FAM149B1: variants seen among roughly 807,000 people sequenced by gnomAD.
FAM149B1 encodes primary cilium assembly protein FAM149B1.
FAM149B1 carries 56 observed loss-of-function variants against 75.3 expected under a neutral mutation model. The observed-to-expected ratio is 0.74, with a 90% CI of 0.60 to 0.93. The LOEUF is 0.93. Ranked by LOEUF, FAM149B1 falls within the 40% of genes least tolerant of loss-of-function variation. FAM149B1 has a pLI of 0.00. For missense variants in FAM149B1, 639 were observed against 708.4 expected (o/e 0.90, Z 1.11); for synonymous variants, 259 against 256.1 (o/e 1.01, Z -0.11).
At chr10:73,226,166 T>C (rs771928379) in intron 7 of FAM149B1, among the ~76,000 whole-genome samples, 7 of 151,622 alleles carry the variant, frequency 4.6e-5, no homozygotes, top group Non-Finnish European at 1.0e-4. Flanking sequence ...CCAACCCTGC[T>C]CTACAATGTG....
Position 73,192,558 on chromosome 10 carries a change from A to G in FAM149B1, c.285A>G (p.Glu95=). ...TTGGGGGGAATATTTTCTTCTAGGA[A>G]CTCGATCAAAATGCCACTGAAAAAG... is the stretch of plus-strand genomic sequence containing the variant. ...GSSDFSWGYG[E]LDQNATEKVQ... The change falls in exon 4 of 14, where the codon GAA becomes GAG. Residue 95 remains glutamate (E), a splice_region_variant and synonymous_variant. Coordinates refer to ENST00000242505, the MANE Select transcript of FAM149B1 (RefSeq NM_173348.2). 6.5e-7 allele frequency: 1 copy of G among 1,549,944 alleles called. No individual in the cohort carries two copies. Among genetic ancestry groups the G allele is most frequent in the Non-Finnish European group, 8.7e-7 (1 of 1,146,504 alleles).
chr10:73,210,567 T>TA lies in FAM149B1; in HGVS notation c.898+131dup, dbSNP rs1168074605. On this transcript the variant is annotated intron_variant, in intron 7 of 13. Transcript: ENST00000242505. The stretch of plus-strand genomic sequence containing the variant: ...GGCCAGGCACAGTGGCTTATGCCTA[T>TA]AATCCAAACACTTTGGGAGGCCAAG... The TA allele has an allele frequency of 1.9e-5, 11 of 593,390 alleles. No individual in the cohort carries two copies. In the African/African-American group the frequency reaches 2.1e-4, roughly 11 times the overall value. The allele number at this position is 593,390 out of a possible 1,614,324, so 36.8% of individuals were successfully genotyped here.
At chr10:73,240,390 T>C (rs2043914071) in intron 13 of FAM149B1, among the ~76,000 whole-genome samples, 1 of 152,206 alleles carries the variant, frequency 6.6e-6, no homozygotes, top group Non-Finnish European at 1.5e-5. Context: ...AGATCTGCAT[T>C]TGAGCTACAA....
chr10:73,176,664 T>A (rs2133302019), intron 2 of FAM149B1, among the ~76,000 whole-genome samples: 1 of 152,186 alleles, frequency 6.6e-6, no homozygotes, highest in Middle Eastern at 3.4e-3. Context: ...GACAGGTGGA[T>A]CACTTGAGCT....
intron 7 of FAM149B1, among the ~76,000 whole-genome samples, chr10:73,227,539 G>A (rs886741700): frequency 3.4e-4 from 51 of 152,062 alleles, no homozygotes; most frequent in African/African-American, 1.1e-3. Flanking sequence ...TTGTTTCTTC[G>A]TGGATGTGAT....
At position 73,239,357 on chromosome 10, in the gene FAM149B1, C is replaced by A. The variant is rs922809743; in HGVS notation, c.1648C>A (p.Gln550Lys). 4.5e-6 allele frequency: 7 copies of A among 1,551,564 alleles called. No individual in the cohort carries two copies. The highest frequency in any genetic ancestry group is 5.2e-6 in the Non-Finnish European group (6 of 1,146,978). ...RRSCAVEYPH[Q>K]ARPGRGSAGP... ...CTCATGTGCAGTTGAGTATCCTCAT[C>A]AGGCCCGACCTGGCAGGGGATCTGC... The change falls in exon 13 of 14, where the codon CAG becomes AAG. Residue 550 changes from glutamine to lysine, a missense_variant. Physicochemically the swap from Gln to Lys is moderately conservative, Grantham distance 53. Coordinates refer to ENST00000242505, the MANE Select transcript of FAM149B1 (RefSeq NM_173348.2).
At chr10:73,201,112 A>G (rs1194216989) in intron 5 of FAM149B1, 18 of 278,832 alleles carry the variant, frequency 6.5e-5, no homozygotes, top group Non-Finnish European at 8.0e-5. Flanking sequence ...TTTGGTAGAA[A>G]AGGTGTGGCT....
chr10:73,207,532 C>G (rs1234398224), intron 5 of FAM149B1, among the ~76,000 whole-genome samples: 4 of 151,852 alleles, frequency 2.6e-5, no homozygotes, highest in Non-Finnish European at 5.9e-5. Context: ...CCACTACACT[C>G]CAGCCTGGGC....
rs947901673 is a variant in FAM149B1, at chr10:73,180,909, C to G, written c.282+2934C>G. Among the ~76,000 whole-genome samples, 4 of 152,194 alleles carry G rather than the reference C, an allele frequency of 2.6e-5. No homozygotes were observed. The East Asian group carries it at 5.8e-4, about 22-fold the overall frequency. On this transcript the variant is annotated intron_variant, in intron 3 of 13. Transcript: ENST00000242505. Reference sequence around the variant, plus strand: ...CCCCATCTCCCCAATCCTCACCCCCCCACTACCCTTCCCAGCCTCTAGTAA... The same window carrying G: ...CCCCATCTCCCCAATCCTCACCCCCGCACTACCCTTCCCAGCCTCTAGTAA...
At chr10:73,177,183 G>A (rs750427674) in intron 2 of FAM149B1, among the ~76,000 whole-genome samples, 11 of 151,846 alleles carry the variant, frequency 7.2e-5, no homozygotes, top group Non-Finnish European at 1.0e-4. Context: ...CAGCCTGGGT[G>A]ACAGAGCGAG....
In FAM149B1 at chr10:73,177,838, G is replaced by T; in HGVS notation, c.153-8G>T. On this transcript the variant is annotated splice_region_variant and splice_polypyrimidine_tract_variant and intron_variant, in intron 2 of 13. Coordinates refer to ENST00000242505, the MANE Select transcript of FAM149B1 (RefSeq NM_173348.2). Reference sequence around the variant, plus strand: ...TTTTTCTCTCCTCCTCCCAAATTGTGCCTTTAGCAAGTCTGACATCACAAG... The same window carrying T: ...TTTTTCTCTCCTCCTCCCAAATTGTTCCTTTAGCAAGTCTGACATCACAAG... The T allele has an allele frequency of 6.5e-7, 1 of 1,541,102 alleles. No homozygotes were observed. Among genetic ancestry groups the T allele is most frequent in the Non-Finnish European group, 8.7e-7 (1 of 1,145,962 alleles).
At chr10:73,186,728 G>C (rs959065994) in intron 3 of FAM149B1, among the ~76,000 whole-genome samples, 1 of 152,212 alleles carries the variant, frequency 6.6e-6, no homozygotes, top group Non-Finnish European at 1.5e-5. Flanking sequence ...TCCGATACAT[G>C]TTACAACTTG....
At position 73,243,674 on chromosome 10, in the gene FAM149B1, TA is replaced by T; in HGVS notation, c.*2659del. On this transcript the variant is annotated 3_prime_UTR_variant, in exon 14 of 14. Transcript: ENST00000242505. ...GTCCTACAATTGGTGTTAATAATTG[TA>T]AAACTTTGTAAATACACTTAAAACC... is the stretch of plus-strand genomic sequence containing the variant. The T allele has an allele frequency of 8.6e-7, 1 of 1,158,508 alleles. No individual in the cohort carries two copies. The highest frequency in any genetic ancestry group is 1.2e-6 in the Non-Finnish European group (1 of 819,636). The allele number at this position is 1,158,508 out of a possible 1,614,324, so 71.8% of individuals were successfully genotyped here. A position where few individuals can be genotyped will look rare whatever the true frequency, so the allele number is the denominator to read the frequency against.
At chr10:73,231,703 G>A (rs984709261) in intron 9 of FAM149B1, among the ~76,000 whole-genome samples, 97 of 152,150 alleles carry the variant, frequency 6.4e-4, no homozygotes, top group African/African-American at 2.3e-3. Context: ...TCAAGCTTGA[G>A]GGAAGCCTCT....
At chr10:73,193,992 G>A (rs1233474244) in intron 5 of FAM149B1, among the ~76,000 whole-genome samples, 1 of 152,144 alleles carries the variant, frequency 6.6e-6, no homozygotes, top group Non-Finnish European at 1.5e-5. Context: ...GGCTGTACAT[G>A]CTAATATGCC....
intron 7 of FAM149B1, among the ~76,000 whole-genome samples, chr10:73,215,449 T>C (rs1191691943): frequency 6.6e-6 from 1 of 152,196 alleles, no homozygotes; most frequent in African/African-American, 2.4e-5. Context: ...CTCAAACTCC[T>C]GGCCTCAAGC....
intron 7 of FAM149B1, among the ~76,000 whole-genome samples, chr10:73,212,248 G>A (rs181735634): frequency 1.2e-4 from 18 of 152,192 alleles, no homozygotes; most frequent in East Asian, 7.7e-4. Context: ...CTTTGCTACC[G>A]TGAATAATGG....
At chr10:73,228,681 T>C (rs144871798) in intron 8 of FAM149B1, among the ~76,000 whole-genome samples, 12 of 152,108 alleles carry the variant, frequency 7.9e-5, no homozygotes, top group Non-Finnish European at 1.6e-4. Context: ...CACTGCAACC[T>C]CCGCCTCCCA....
chr10:73,174,606 G>T, intron 1 of FAM149B1, 81 bp from the exon 2 acceptor site: 3 of 1,000,148 alleles, frequency 3.0e-6, no homozygotes, highest in Non-Finnish European at 4.5e-6. Context: ...AGAGGAAGTA[G>T]GTGACTAACT....
Sources: allele counts gnomAD v4.1 joint callset (sites outside exome capture counted in the v4.1 genomes callset), GRCh38; gene constraint gnomAD v4.1.1; transcripts MANE v1.5; gene names NCBI Gene and HGNC (gene_info 2026-07-23, HGNC 2026-07-21).